SH3RF3: variants seen among roughly 807,000 people sequenced by gnomAD.
SH3RF3 encodes the protein E3 ubiquitin-protein ligase SH3RF3.
In SH3RF3, 29 loss-of-function variants were observed where a neutral mutation model predicts 66.3. That is an observed-to-expected ratio of 0.44 (90% CI 0.33 to 0.60). SH3RF3 has a LOEUF of 0.60. Ranked by LOEUF, SH3RF3 falls within the 20% of genes least tolerant of loss-of-function variation. The probability of loss-of-function intolerance (pLI) is 0.04; values close to 1 mark genes in which losing one functional copy is unlikely to be tolerated. For synonymous variants in SH3RF3, 583 were observed against 532.0 expected, an observed-to-expected ratio of 1.10 and a Z score of -1.32; for missense variants, 1,194 against 1,190.9, an observed-to-expected ratio of 1.00 and a Z score of -0.04.
chr2:109,442,285 TG>T (rs200413542), intron 7 of SH3RF3, among the ~76,000 whole-genome samples: 2,392 of 141,726 alleles, frequency 0.017, 64 homozygotes, highest in African/African-American at 0.06. Context: ...CACTCCAGCC[TG>T]GGCAACGGAG....
intron 9 of SH3RF3, among the ~76,000 whole-genome samples, chr2:109,499,274 G>C (rs943382456): frequency 6.6e-6 from 1 of 152,152 alleles, no homozygotes; most frequent in Non-Finnish European, 1.5e-5. Context: ...TGGTTATTGA[G>C]TGCCTTCGCC....
chr2:109,321,290 C>T (rs1682022211), intron 1 of SH3RF3, among the ~76,000 whole-genome samples: 1 of 152,168 alleles, frequency 6.6e-6, no homozygotes, highest in Non-Finnish European at 1.5e-5. Context: ...TATTGTCTTG[C>T]CACTTAATTT....
At chr2:109,277,088 G>T (rs1680775011) in intron 1 of SH3RF3, among the ~76,000 whole-genome samples, 2 of 152,210 alleles carry the variant, frequency 1.3e-5, no homozygotes, top group African/African-American at 2.4e-5. Flanking sequence ...CCCCACGCCG[G>T]CGGTCCCTCA....
chr2:109,439,066 A>C (rs1300318480), intron 7 of SH3RF3, among the ~76,000 whole-genome samples: 1 of 152,148 alleles, frequency 6.6e-6, no homozygotes, highest in Non-Finnish European at 1.5e-5. Flanking sequence ...CCTTGCTAGA[A>C]ACGTTCCCAA....
intron 1 of SH3RF3, among the ~76,000 whole-genome samples, chr2:109,249,851 A>ATTTT (rs1175670970): frequency 6.6e-6 from 1 of 150,854 alleles, no homozygotes; most frequent in African/African-American, 2.4e-5. Flanking sequence ...TTATTTTTTA[A>ATTTT]TTTTTTTATT....
Position 109,130,060 on chromosome 2 carries a change from A to T in SH3RF3, c.520A>T (p.Thr174Ser). ...PVFLSAAAGS[T>S]AGSLRELATS... ...TTTCCTCTCCGCGGCCGCGGGCAGCACCGCCGGCAGTCTGCGGGAGCTGGC... is the reference window on the plus strand; with the variant it reads ...TTTCCTCTCCGCGGCCGCGGGCAGCTCCGCCGGCAGTCTGCGGGAGCTGGC... The change falls in exon 1 of 10, where the codon ACC (threonine) becomes TCC (serine). Residue 174 changes from threonine to serine, a missense_variant. Thr to Ser is a moderately conservative substitution (Grantham distance 58, BLOSUM62 1). Transcript: ENST00000309415. 7.3e-7 allele frequency: 1 copy of T among 1,366,744 alleles called. No homozygotes were observed. The highest frequency in any genetic ancestry group is 9.4e-7 in the Non-Finnish European group (1 of 1,061,510). 84.7% of individuals were successfully genotyped at this position (1,366,744 alleles called of 1,614,324 possible).
intron 9 of SH3RF3, among the ~76,000 whole-genome samples, chr2:109,498,692 TG>T (rs1679313906): frequency 6.6e-6 from 1 of 152,042 alleles, no homozygotes; most frequent in Non-Finnish European, 1.5e-5. Flanking sequence ...CAGGGAACTG[TG>T]GGGGGTCCTG....
At chr2:109,219,269 T>TG (rs1373875957) in intron 1 of SH3RF3, among the ~76,000 whole-genome samples, 2 of 151,584 alleles carry the variant, frequency 1.3e-5, no homozygotes, top group Non-Finnish European at 2.9e-5. Flanking sequence ...AGCACTTTTT[T>TG]GGGGGGCTCA....
At chr2:109,281,976 G>A (rs763162782) in intron 1 of SH3RF3, among the ~76,000 whole-genome samples, 16 of 152,092 alleles carry the variant, frequency 1.1e-4, no homozygotes, top group South Asian at 2.1e-4. Context: ...ATGGCCGAGC[G>A]CTGGGCCAGG....
At chr2:109,398,352 T>C (rs1025756356) in intron 3 of SH3RF3, among the ~76,000 whole-genome samples, 9 of 152,272 alleles carry the variant, frequency 5.9e-5, no homozygotes, top group Non-Finnish European at 1.0e-4. Flanking sequence ...GGAAAACTCT[T>C]CTTTCTCTAT....
At chr2:109,324,221 T>G (rs1450568644) in intron 1 of SH3RF3, among the ~76,000 whole-genome samples, 2 of 152,238 alleles carry the variant, frequency 1.3e-5, no homozygotes, top group Admixed American at 1.3e-4. Context: ...TGGATGGACA[T>G]CTGGGATGTT....
intron 8 of SH3RF3, among the ~76,000 whole-genome samples, chr2:109,460,103 C>T (rs189891200): frequency 1.7e-4 from 26 of 152,326 alleles, no homozygotes; most frequent in Admixed American, 3.3e-4. Flanking sequence ...TCCATGCACA[C>T]GAGCCCATTG....
At chr2:109,466,786 CATGTGTGTATCTAT>C (rs1484518048) in intron 8 of SH3RF3, among the ~76,000 whole-genome samples, 1 of 147,752 alleles carries the variant, frequency 6.8e-6, no homozygotes, top group Non-Finnish European at 1.5e-5. Context: ...TATACTTGTG[CATGTGTGTATCTAT>C]ATGTGTGTAT....
At chr2:109,211,324 T>G (rs890949950) in intron 1 of SH3RF3, among the ~76,000 whole-genome samples, 1 of 152,226 alleles carries the variant, frequency 6.6e-6, no homozygotes, top group African/African-American at 2.4e-5. Context: ...TTAACATCTT[T>G]ATTAATAATG....
chr2:109,348,827 C>T (rs993847220), intron 2 of SH3RF3, among the ~76,000 whole-genome samples: 2 of 152,112 alleles, frequency 1.3e-5, no homozygotes, highest in African/African-American at 2.4e-5. Context: ...TGCTCCCCGC[C>T]GCCCCCAGAT....
intron 1 of SH3RF3, among the ~76,000 whole-genome samples, chr2:109,173,795 C>T (rs1482527324): frequency 1.3e-5 from 2 of 152,214 alleles, no homozygotes; most frequent in East Asian, 1.9e-4. Flanking sequence ...GTGTCGGCCC[C>T]TGACCAAAGG....
intron 4 of SH3RF3, among the ~76,000 whole-genome samples, chr2:109,407,085 A>G (rs1238975119): frequency 1.3e-5 from 2 of 152,202 alleles, no homozygotes; most frequent in Non-Finnish European, 2.9e-5. Flanking sequence ...AATACTGCCC[A>G]TGAGTGTCCT....
At chr2:109,251,008 T>C (rs1029142207) in intron 1 of SH3RF3, among the ~76,000 whole-genome samples, 5 of 151,926 alleles carry the variant, frequency 3.3e-5, no homozygotes, top group African/African-American at 1.2e-4. Flanking sequence ...TTTTTATTTA[T>C]TTATTTTTTT....
intron 4 of SH3RF3, among the ~76,000 whole-genome samples, chr2:109,405,054 A>G (rs73955578): frequency 0.016 from 2,365 of 146,102 alleles, 49 homozygotes; most frequent in African/African-American, 0.057. Flanking sequence ...CATCTACACA[A>G]ATACCCCCCA....
Sources: gnomAD v4.1 joint callset for allele counts (sites outside exome capture counted in the v4.1 genomes callset) on GRCh38, gnomAD v4.1.1 for gene constraint, MANE v1.5 for transcripts, NCBI Gene and HGNC (gene_info 2026-07-23, HGNC 2026-07-21) for gene names.